Variants in BAZ2B observed in about 807,000 individuals in gnomAD.
The protein encoded by BAZ2B is bromodomain adjacent to zinc finger domain 2B, also known as bromodomain adjacent to zinc finger domain protein 2B.
Under a neutral mutation model 246.0 loss-of-function variants are expected in BAZ2B, and 91 were observed. That is an observed-to-expected ratio of 0.37 (90% CI 0.31 to 0.44). The LOEUF is 0.44. BAZ2B is among the 20% of genes least tolerant of loss of function. The pLI, the probability that BAZ2B is intolerant of heterozygous loss-of-function variation, is 1.00. For missense variants in BAZ2B, 2,332 were observed against 2,533.7 expected, an observed-to-expected ratio of 0.92 and a Z score of 1.71; for synonymous variants, 855 against 860.0, an observed-to-expected ratio of 0.99 and a Z score of 0.10.
the BAZ2B span, among the ~76,000 whole-genome samples, chr2:159,626,690 C>G: frequency 2.0e-5 from 3 of 152,114 alleles, no homozygotes; most frequent in African/African-American, 7.2e-5. Context: ...AAATTTATAA[C>G]ACTAAATGCC....
intron 3 of BAZ2B, chr2:159,462,116 G>GA: frequency 3.8e-6 from 1 of 262,400 alleles, no homozygotes; most frequent in South Asian, 5.0e-5. Context: ...ACAGTAAAAT[G>GA]TCTCTAGGAT....
At chr2:159,350,469 G>C in intron 27 of BAZ2B, 112 bp from the exon 28 acceptor site, 1 of 1,042,982 alleles carries the variant, frequency 9.6e-7, no homozygotes, top group South Asian at 2.0e-5. Context: ...AAACTTTTCT[G>C]TATTACCTAA....
At chr2:159,561,065 T>TA (rs1279231239) in intron 1 of BAZ2B, among the ~76,000 whole-genome samples, 3 of 152,262 alleles carry the variant, frequency 2.0e-5, no homozygotes, top group East Asian at 3.9e-4. Context: ...TGCTGTCCAA[T>TA]ATATACCTGC....
chr2:159,629,366 C>T, the BAZ2B span, among the ~76,000 whole-genome samples: 2 of 152,146 alleles, frequency 1.3e-5, no homozygotes, highest in African/African-American at 2.4e-5. Flanking sequence ...TATAAAGACA[C>T]GTGCACACAT....
the BAZ2B span, among the ~76,000 whole-genome samples, chr2:159,640,208 A>G: frequency 6.6e-6 from 1 of 152,164 alleles, no homozygotes; most frequent in Non-Finnish European, 1.5e-5. Context: ...TATAAAGCAA[A>G]TATTATTAGA....
chr2:159,669,164 T>C, the BAZ2B span, among the ~76,000 whole-genome samples: 3 of 152,342 alleles, frequency 2.0e-5, no homozygotes, highest in Admixed American at 1.3e-4. Context: ...TCATTATCAT[T>C]CCCTTCAAAG....
chr2:159,602,828 A>T (rs1692475072), intron 1 of BAZ2B, among the ~76,000 whole-genome samples: 1 of 152,232 alleles, frequency 6.6e-6, no homozygotes, highest in Admixed American at 6.5e-5. Flanking sequence ...ATGATATTTC[A>T]TCCCATCATA....
chr2:159,431,165 T>A lies in BAZ2B; in HGVS notation c.1901-9A>T. 1 of 1,595,472 alleles carries A rather than the reference T, an allele frequency of 6.3e-7. No individual in the cohort carries two copies. The highest frequency in any genetic ancestry group is 8.5e-7 in the Non-Finnish European group (1 of 1,170,882). ...TGAATTACTATCTGATTCTGGGAAGTAAAAGAAGCATTTGTATATTATAAC... is the reference window on the plus strand; with the variant it reads ...TGAATTACTATCTGATTCTGGGAAGAAAAAGAAGCATTTGTATATTATAAC... On this transcript the variant is annotated splice_polypyrimidine_tract_variant and intron_variant, in intron 9 of 36. Transcript: ENST00000392783.
Position 159,432,944 on chromosome 2 carries a change from A to G in BAZ2B, c.1713T>C (p.Asn571=), listed in dbSNP as rs749361810. Residue 571 remains asparagine, a synonymous_variant, in exon 9 of 37, where the codon AAT becomes AAC. Coordinates refer to ENST00000392783, the MANE Select transcript of BAZ2B (RefSeq NM_013450.4). ...GATGCTGTGTTTTTACTGGGTTTACATTATTGCTAACTGCTTTTTCCTTCC... is the reference window on the plus strand; with the variant it reads ...GATGCTGTGTTTTTACTGGGTTTACGTTATTGCTAACTGCTTTTTCCTTCC... The part of the protein sequence containing the change: ...SQGKEKAVSN[N]VNPVKTQHHS... The G allele has an allele frequency of 1.9e-6, 3 of 1,614,110 alleles. No individual in the cohort carries two copies. Among genetic ancestry groups the G allele is most frequent in the African/African-American group, 1.3e-5 (1 of 75,034 alleles).
intron 1 of BAZ2B, among the ~76,000 whole-genome samples, chr2:159,607,939 T>G (rs1307829710): frequency 6.6e-6 from 1 of 152,232 alleles, no homozygotes; most frequent in African/African-American, 2.4e-5. Flanking sequence ...GGTAGATGCC[T>G]CCTCCTTTTC....
rs1276711629 is a variant in BAZ2B at position 159,582,263 on chromosome 2, T to A, written c.-45-26398A>T. The stretch of plus-strand genomic sequence containing the variant: ...TGAAAGAATGTACAGCAAACCATTT[T>A]AAAGTAGTTCTGGAAACTGCCATCA... On this transcript the variant is annotated intron_variant, in intron 1 of 36. Transcript: ENST00000392783. Among the ~76,000 whole-genome samples the A allele has an allele frequency of 2.6e-5, 4 of 152,244 alleles. No homozygotes were observed. In the South Asian group the frequency reaches 6.2e-4, roughly 24 times the overall value.
chr2:159,315,537 T>C (rs1044107), downstream of BAZ2B, among the ~76,000 whole-genome samples: 53,715 of 152,146 alleles, frequency 0.35, 12,021 homozygotes, highest in Non-Finnish European at 0.52. Flanking sequence ...GGCTGCTCCA[T>C]AGGGCTGGGC....
the BAZ2B span, among the ~76,000 whole-genome samples, chr2:159,629,756 T>C: frequency 6.6e-6 from 1 of 152,268 alleles, no homozygotes; most frequent in Non-Finnish European, 1.5e-5. Flanking sequence ...TAAACCACCA[T>C]GGCATTTGTA....
intron 36 of BAZ2B, among the ~76,000 whole-genome samples, chr2:159,322,217 C>T (rs2148734475): frequency 6.6e-6 from 1 of 152,168 alleles, no homozygotes; most frequent in Middle Eastern, 3.4e-3. Context: ...TAAGTCAGCC[C>T]TTATGTAACC....
In BAZ2B at chr2:159,386,632, A is replaced by C. The variant is rs768996502; in HGVS notation, c.3217-25T>G. 13 of 1,555,246 alleles carry C rather than the reference A, an allele frequency of 8.4e-6. No individual in the cohort carries two copies. The Admixed American group carries it at 1.2e-4, about 15-fold the overall frequency. On this transcript the variant is annotated intron_variant, in intron 21 of 36. Transcript: ENST00000392783. ...GCTGAAAATAAAATGAAATACAAATAAAATAAAAACAGCTTAATTTTTTAA... is the reference window on the plus strand; with the variant it reads ...GCTGAAAATAAAATGAAATACAAATCAAATAAAAACAGCTTAATTTTTTAA...
chr2:159,374,583 C>G, intron 26 of BAZ2B, 108 bp downstream of exon 26: 1 of 852,082 alleles, frequency 1.2e-6, no homozygotes, highest in Non-Finnish European at 1.9e-6. Context: ...TTTTTAATTA[C>G]TCACCAAAAG....
chr2:159,474,670 G>C (rs935001311), intron 3 of BAZ2B, among the ~76,000 whole-genome samples: 1 of 152,142 alleles, frequency 6.6e-6, no homozygotes, highest in African/African-American at 2.4e-5. Context: ...TTTACAATTT[G>C]GTGTGTTTTT....
chr2:159,316,046 T>C (rs1451609433), downstream of BAZ2B, among the ~76,000 whole-genome samples: 1 of 152,190 alleles, frequency 6.6e-6, no homozygotes, highest in Admixed American at 6.5e-5. Flanking sequence ...TGTGTGTACA[T>C]ACGTATTTTT....
chr2:159,317,184 T>C (rs887791461), downstream of BAZ2B, among the ~76,000 whole-genome samples: 1 of 152,208 alleles, frequency 6.6e-6, no homozygotes, highest in Non-Finnish European at 1.5e-5. Flanking sequence ...AAATGTCTGA[T>C]AGCAGATTTC....
Sources: allele counts gnomAD v4.1 joint callset (sites outside exome capture counted in the v4.1 genomes callset), GRCh38; gene constraint gnomAD v4.1.1; transcripts MANE v1.5; gene names NCBI Gene and HGNC (gene_info 2026-07-23, HGNC 2026-07-21).